The following FOXN3 variants were observed in gnomAD, a reference collection of about 807,000 sequenced individuals.
The protein encoded by FOXN3 is forkhead box N3.
FOXN3 carries 7 observed loss-of-function variants against 38.4 expected under a neutral mutation model. The ratio of observed to expected loss-of-function variants is 0.18; its 90% CI spans 0.10 to 0.34. The LOEUF (loss-of-function observed/expected upper bound fraction) is 0.34. Among genes scored for constraint, FOXN3 ranks in the 10% least tolerant of loss-of-function variants. The probability of loss-of-function intolerance (pLI) is 1.00; values close to 1 mark genes in which losing one functional copy is unlikely to be tolerated. For missense variants in FOXN3, 456 were observed against 613.4 expected, an observed-to-expected ratio of 0.74 and a Z score of 2.71; for synonymous variants, 230 against 242.2, an observed-to-expected ratio of 0.95 and a Z score of 0.47.
At chr14:89,584,166 T>C (rs1053584839) in intron 1 of FOXN3, among the ~76,000 whole-genome samples, 26 of 150,858 alleles carry the variant, frequency 1.7e-4, no homozygotes, top group African/African-American at 5.8e-4. Flanking sequence ...GCCCTAACAC[T>C]AGGTAATTTA....
At chr14:89,517,061 T>G (rs903853634) in intron 1 of FOXN3, among the ~76,000 whole-genome samples, 1 of 152,114 alleles carries the variant, frequency 6.6e-6, no homozygotes, top group Admixed American at 6.5e-5. Flanking sequence ...TCACATTTAG[T>G]TGCCTCTTCG....
chr14:89,455,304 G>A (rs1025606582), intron 1 of FOXN3, among the ~76,000 whole-genome samples: 1 of 152,248 alleles, frequency 6.6e-6, no homozygotes, highest in African/African-American at 2.4e-5. Flanking sequence ...AGCTCCGCTA[G>A]CATCATCTGG....
chr14:89,519,412 C>T (rs1470985502), intron 1 of FOXN3, among the ~76,000 whole-genome samples: 2 of 152,096 alleles, frequency 1.3e-5, no homozygotes, highest in Non-Finnish European at 2.9e-5. Flanking sequence ...GGGCCGCTGG[C>T]TTCCAGAACT....
intron 4 of FOXN3, among the ~76,000 whole-genome samples, chr14:89,262,444 C>T (rs1194550577): frequency 6.6e-6 from 1 of 152,172 alleles, no homozygotes; most frequent in Non-Finnish European, 1.5e-5. Flanking sequence ...TTTAAACTAC[C>T]TTGTTCCAAG....
chr14:89,287,881 A>T (rs1250987049), intron 3 of FOXN3, among the ~76,000 whole-genome samples: 1 of 151,750 alleles, frequency 6.6e-6, no homozygotes, highest in South Asian at 2.1e-4. Context: ...AAAATAAAAC[A>T]TTTTTTTATT....
At chr14:89,539,138 G>C (rs1196127531) in intron 1 of FOXN3, among the ~76,000 whole-genome samples, 1 of 152,164 alleles carries the variant, frequency 6.6e-6, no homozygotes, top group Non-Finnish European at 1.5e-5. Flanking sequence ...CACGTGCCTG[G>C]CCACTTTTCT....
In FOXN3 at chr14:89,297,898, C is replaced by T. The variant is rs375566116; in HGVS notation, c.681-16884G>A. On this transcript the variant is annotated intron_variant, in intron 3 of 5. Transcript: ENST00000557258. ...TACTTGGGAACCTGAGGCAGGAGGA[C>T]GGCTTGAGCCCAGGAGTTCAAAGTT... is the stretch of plus-strand genomic sequence containing the variant. 1.0e-3 allele frequency among the ~76,000 whole-genome samples: 154 copies of T among 152,222 alleles called. 1 individual carries two copies. Among genetic ancestry groups the T allele is most frequent in the African/African-American group, 3.4e-3 (141 of 41,532 alleles).
chr14:89,357,324 G>C (rs1182823903), intron 2 of FOXN3, among the ~76,000 whole-genome samples: 2 of 152,166 alleles, frequency 1.3e-5, no homozygotes, highest in Non-Finnish European at 2.9e-5. Context: ...AAAGGAGATA[G>C]AGCAGGGCGT....
chr14:89,588,487 C>G (rs542263023), intron 1 of FOXN3, among the ~76,000 whole-genome samples: 2 of 152,060 alleles, frequency 1.3e-5, no homozygotes, highest in Non-Finnish European at 2.9e-5. Flanking sequence ...CCATCAACAC[C>G]GCCCGATAGC....
intron 2 of FOXN3, chr14:89,400,228 C>T (rs1401421347): frequency 1.3e-5 from 2 of 152,202 alleles, no homozygotes; most frequent in African/African-American, 4.8e-5. Flanking sequence ...GAATATACCC[C>T]AAAATGAATT....
intron 2 of FOXN3, among the ~76,000 whole-genome samples, chr14:89,398,756 C>A (rs990459710): frequency 1.3e-5 from 2 of 152,086 alleles, no homozygotes; most frequent in East Asian, 3.9e-4. Flanking sequence ...AAGGCTGAAG[C>A]GGCCAGATCA....
intron 1 of FOXN3, among the ~76,000 whole-genome samples, chr14:89,526,643 A>G (rs1430284288): frequency 6.6e-6 from 1 of 152,226 alleles, no homozygotes; most frequent in Non-Finnish European, 1.5e-5. Flanking sequence ...TTCATGGAAG[A>G]TTCACTATTG....
chr14:89,339,590 G>C (rs34430036), intron 3 of FOXN3, among the ~76,000 whole-genome samples: 1 of 152,124 alleles, frequency 6.6e-6, no homozygotes, highest in African/African-American at 2.4e-5. Context: ...ATGGGAGACA[G>C]GCCCAGGACA....
intron 1 of FOXN3, among the ~76,000 whole-genome samples, chr14:89,433,233 C>T (rs751677590): frequency 2.0e-5 from 3 of 151,928 alleles, no homozygotes; most frequent in Non-Finnish European, 4.4e-5. Context: ...CCTGTAATCC[C>T]AGCACTTTGG....
At chr14:89,519,001 C>T (rs554950890) in intron 1 of FOXN3, among the ~76,000 whole-genome samples, 2 of 152,146 alleles carry the variant, frequency 1.3e-5, no homozygotes, top group South Asian at 2.1e-4. Context: ...GGCAACAGTG[C>T]GAGACTCTGC....
At chr14:89,476,380 C>T (rs936607392) in intron 1 of FOXN3, among the ~76,000 whole-genome samples, 3 of 152,190 alleles carry the variant, frequency 2.0e-5, no homozygotes, top group African/African-American at 7.2e-5. Flanking sequence ...CGGCAGATGC[C>T]CCTGCTCGGA....
intron 1 of FOXN3, among the ~76,000 whole-genome samples, chr14:89,586,762 T>C (rs2139919466): frequency 6.6e-6 from 1 of 152,346 alleles, no homozygotes; most frequent in Admixed American, 6.5e-5. Flanking sequence ...ATTTCACTAG[T>C]GTGCCTCTAC....
intron 1 of FOXN3, among the ~76,000 whole-genome samples, chr14:89,583,461 G>T (rs145778985): frequency 6.6e-6 from 1 of 152,210 alleles, no homozygotes; most frequent in Non-Finnish European, 1.5e-5. Flanking sequence ...GAAGGATGCT[G>T]CAAGAAGGCC....
intron 1 of FOXN3, among the ~76,000 whole-genome samples, chr14:89,508,104 G>A (rs1290697561): frequency 6.6e-6 from 1 of 152,160 alleles, no homozygotes; most frequent in Non-Finnish European, 1.5e-5. Context: ...GCATAAACCA[G>A]TCAATACAAT....
Sources: allele counts gnomAD v4.1 joint callset (sites outside exome capture counted in the v4.1 genomes callset), GRCh38; gene constraint gnomAD v4.1.1; transcripts MANE v1.5; gene names NCBI Gene and HGNC (gene_info 2026-07-23, HGNC 2026-07-21).